Variants in SOX6 observed in about 807,000 individuals in gnomAD.
SOX6 encodes the protein transcription factor SOX-6.
SOX6 carries 11 observed loss-of-function variants against 97.8 expected under a neutral mutation model. The ratio of observed to expected loss-of-function variants is 0.11; its 90% CI spans 0.07 to 0.19. SOX6 has a LOEUF of 0.19. SOX6 is among the 10% of genes least tolerant of loss of function. SOX6 has a pLI of 1.00. For synonymous variants in SOX6, 360 were observed against 371.4 expected, an observed-to-expected ratio of 0.97 and a Z score of 0.35; for missense variants, 810 against 1,039.5, an observed-to-expected ratio of 0.78 and a Z score of 3.04.
At chr11:16,347,678 C>T (rs1295289463) in intron 1 of SOX6, among the ~76,000 whole-genome samples, 2 of 152,038 alleles carry the variant, frequency 1.3e-5, no homozygotes, top group Non-Finnish European at 2.9e-5. Context: ...TACAGGATAT[C>T]TTATCCAATT....
intron 2 of SOX6, among the ~76,000 whole-genome samples, chr11:16,723,852 T>C (rs953554531): frequency 6.6e-6 from 1 of 152,108 alleles, no homozygotes; most frequent in African/African-American, 2.4e-5. Context: ...AAGAAATGAT[T>C]GTCGTTATTT....
At chr11:16,241,902 CTT>C (rs1380204348) in intron 3 of SOX6, among the ~76,000 whole-genome samples, 1 of 152,052 alleles carries the variant, frequency 6.6e-6, no homozygotes, top group Non-Finnish European at 1.5e-5. Context: ...TGTTAGCATA[CTT>C]ACATCCCAAA....
intron 2 of SOX6, among the ~76,000 whole-genome samples, chr11:16,334,425 T>G (rs1205215095): frequency 9.3e-6 from 1 of 107,310 alleles, no homozygotes; most frequent in Non-Finnish European, 1.9e-5. Flanking sequence ...AGCATGTTAA[T>G]GTCTCTACTT....
intron 4 of SOX6, among the ~76,000 whole-genome samples, chr11:16,206,151 T>A (rs531286992): frequency 6.6e-6 from 1 of 152,260 alleles, no homozygotes; most frequent in South Asian, 2.1e-4. Flanking sequence ...AATGTACAAC[T>A]AGCATTAACT....
chr11:16,469,970 A>G (rs1286719741), intron 1 of SOX6, among the ~76,000 whole-genome samples: 1 of 152,114 alleles, frequency 6.6e-6, no homozygotes, highest in Non-Finnish European at 1.5e-5. Flanking sequence ...AAAATTTAAA[A>G]GCTTAAAATG....
intron 12 of SOX6, among the ~76,000 whole-genome samples, chr11:16,024,704 T>C (rs1245146238): frequency 6.6e-6 from 1 of 151,914 alleles, no homozygotes; most frequent in Non-Finnish European, 1.5e-5. Flanking sequence ...GGAGGGAAAG[T>C]ATCTCACGAC....
chr11:16,142,606 A>T (rs1381971387), intron 6 of SOX6, among the ~76,000 whole-genome samples: 2 of 152,192 alleles, frequency 1.3e-5, no homozygotes, highest in African/African-American at 4.8e-5. Flanking sequence ...AACCTTGAAA[A>T]AATATTAGAC....
chr11:16,461,961 C>T (rs35843825), intron 1 of SOX6, among the ~76,000 whole-genome samples: 24,589 of 152,134 alleles, frequency 0.16, 2,020 homozygotes, highest in Non-Finnish European at 0.17. Context: ...TTGTATAATA[C>T]ATTTGCGTTT....
intron 1 of SOX6, among the ~76,000 whole-genome samples, chr11:16,376,025 T>A (rs1383289625): frequency 1.3e-5 from 2 of 151,960 alleles, no homozygotes; most frequent in Non-Finnish European, 2.9e-5. Context: ...ATGGGGCCTG[T>A]CAGGGAGTTG....
In SOX6 at chr11:16,055,916, A is replaced by G. The variant is rs113630862; in HGVS notation, c.1102-15T>C. The G allele has an allele frequency of 1.4e-5, 22 of 1,613,038 alleles. No homozygotes were observed. Among genetic ancestry groups the G allele is most frequent in the Non-Finnish European group, 1.7e-5 (20 of 1,179,692 alleles). The stretch of plus-strand genomic sequence containing the variant: ...GCATAGAGCTGCTGCAAAACAGGGA[A>G]GACAAACATTGATCTCTTTAAATGC... On this transcript the variant is annotated splice_polypyrimidine_tract_variant and intron_variant, in intron 9 of 15. Coordinates refer to ENST00000683767, the MANE Select transcript of SOX6 (RefSeq NM_001367873.1).
intron 15 of SOX6, among the ~76,000 whole-genome samples, chr11:15,975,927 AAAAT>A (rs1853466305): frequency 2.0e-5 from 3 of 152,236 alleles, no homozygotes; most frequent in Admixed American, 2.0e-4. Flanking sequence ...TGGAATGCTA[AAAAT>A]AAATAAACAA....
intron 3 of SOX6, among the ~76,000 whole-genome samples, chr11:16,272,934 G>A (rs1805643386): frequency 6.6e-6 from 1 of 151,706 alleles, no homozygotes; most frequent in Non-Finnish European, 1.5e-5. Context: ...TTTTAAAATG[G>A]GATTAATATT....
intron 6 of SOX6, among the ~76,000 whole-genome samples, chr11:16,178,244 G>C (rs1851251506): frequency 6.6e-6 from 1 of 151,942 alleles, no homozygotes; most frequent in Admixed American, 6.6e-5. Context: ...ACAAGAATTT[G>C]TAATTTTTGC....
intron 9 of SOX6, among the ~76,000 whole-genome samples, chr11:16,082,793 G>C (rs895200388): frequency 7.2e-5 from 11 of 152,100 alleles, no homozygotes; most frequent in African/African-American, 2.7e-4. Context: ...ACCATTTATG[G>C]TGTGAATAAA....
intron 1 of SOX6, among the ~76,000 whole-genome samples, chr11:16,416,528 A>T (rs1590195067): frequency 6.6e-6 from 1 of 152,310 alleles, no homozygotes; most frequent in East Asian, 1.9e-4. Flanking sequence ...TAAAAAGTAA[A>T]GTCTGAAAAT....
At chr11:16,359,661 C>A (rs1029826305), upstream of SOX6, among the ~76,000 whole-genome samples, 4 of 152,044 alleles carry the variant, frequency 2.6e-5, no homozygotes, top group Non-Finnish European at 4.4e-5. Flanking sequence ...TTTTAAGTCT[C>A]TACAAATGCC....
chr11:16,554,318 C>G (rs1477495117), intron 4 of SOX6, among the ~76,000 whole-genome samples: 1 of 152,060 alleles, frequency 6.6e-6, no homozygotes, highest in African/African-American at 2.4e-5. Flanking sequence ...AATGCATCAG[C>G]CAAAACAATC....
At chr11:16,608,566 A>T (rs1175924706) in intron 4 of SOX6, among the ~76,000 whole-genome samples, 1 of 152,140 alleles carries the variant, frequency 6.6e-6, no homozygotes, top group Non-Finnish European at 1.5e-5. Flanking sequence ...ATGGGGGAAG[A>T]GAAACATTTT....
intron 2 of SOX6, among the ~76,000 whole-genome samples, chr11:16,319,274 T>C (rs1400869442): frequency 2.0e-5 from 3 of 152,200 alleles, no homozygotes; most frequent in Non-Finnish European, 4.4e-5. Context: ...GCTACACAGC[T>C]GTCCAAAGTT....
Sources: allele counts gnomAD v4.1 joint callset (sites outside exome capture counted in the v4.1 genomes callset), GRCh38; gene constraint gnomAD v4.1.1; transcripts MANE v1.5; gene names NCBI Gene and HGNC (gene_info 2026-07-23, HGNC 2026-07-21).